Variants in MAP2 observed in about 807,000 individuals in gnomAD.
The protein encoded by MAP2 is microtubule associated protein 2.
MAP2 carries 14 observed loss-of-function variants against 137.6 expected under a neutral mutation model. The ratio of observed to expected loss-of-function variants is 0.10; its 90% CI spans 0.07 to 0.16. The LOEUF (loss-of-function observed/expected upper bound fraction) is 0.16, where lower values mean the gene tolerates loss of function less well. MAP2 is among the 10% of genes least tolerant of loss of function. MAP2 has a pLI of 1.00. For missense variants in MAP2, 2,088 were observed against 2,191.5 expected, an observed-to-expected ratio of 0.95 and a Z score of 0.94; for synonymous variants, 786 against 782.3, an observed-to-expected ratio of 1.00 and a Z score of -0.08.
At chr2:209,528,814 A>G (rs2064558715) in intron 2 of MAP2, among the ~76,000 whole-genome samples, 2 of 151,238 alleles carry the variant, frequency 1.3e-5, no homozygotes, top group Admixed American at 6.6e-5. Flanking sequence ...ATATGTATGT[A>G]TATATGTATA....
chr2:209,697,190 C>G, intron 10 of MAP2, 139 bp downstream of exon 10: 1 of 777,420 alleles, frequency 1.3e-6, no homozygotes. Flanking sequence ...TATTAAGTGT[C>G]TTGTATCATT....
chr2:209,518,017 A>G (rs536132209), intron 2 of MAP2, among the ~76,000 whole-genome samples: 2 of 152,150 alleles, frequency 1.3e-5, no homozygotes, highest in Admixed American at 1.3e-4. Context: ...TTTGTACATG[A>G]TAATATTTCT....
intron 1 of MAP2, among the ~76,000 whole-genome samples, chr2:209,434,312 A>AT (rs200308268): frequency 9.2e-4 from 140 of 151,614 alleles, no homozygotes; most frequent in Non-Finnish European, 1.7e-3. Flanking sequence ...AAACAAAATT[A>AT]TTATTTTTTT....
At chr2:209,638,200 A>T (rs1258811018) in intron 4 of MAP2, among the ~76,000 whole-genome samples, 1 of 152,144 alleles carries the variant, frequency 6.6e-6, no homozygotes, top group African/African-American at 2.4e-5. Context: ...GTAGCATGCC[A>T]TGGAAATCAA....
chr2:209,466,406 G>A (rs1704130765), intron 1 of MAP2, among the ~76,000 whole-genome samples: 1 of 152,072 alleles, frequency 6.6e-6, no homozygotes, highest in South Asian at 2.1e-4. Context: ...ACCTCTCTAA[G>A]GTTTGGTTTC....
chr2:209,523,984 G>T (rs113325344), intron 2 of MAP2, among the ~76,000 whole-genome samples: 4,010 of 152,066 alleles, frequency 0.026, 61 homozygotes, highest in Non-Finnish European at 0.033. Flanking sequence ...GCTCACTGAT[G>T]ACTGGTACCA....
At chr2:209,531,284 C>T (rs1286372471) in intron 2 of MAP2, among the ~76,000 whole-genome samples, 1 of 152,108 alleles carries the variant, frequency 6.6e-6, no homozygotes, top group East Asian at 1.9e-4. Context: ...ATGTTGTGGG[C>T]TTGTTTTGTC....
chr2:209,701,017 G>T (rs1351530635), intron 11 of MAP2, among the ~76,000 whole-genome samples: 2 of 151,672 alleles, frequency 1.3e-5, no homozygotes, highest in South Asian at 2.1e-4. Context: ...ATTTTTTGTT[G>T]GTATTTTAAC....
At position 209,695,852 on chromosome 2, in the gene MAP2, G is replaced by A; in HGVS notation, c.3682G>A (p.Glu1228Lys). The change falls in exon 8 of 16, where the codon GAA (glutamate) becomes AAA (lysine). Residue 1228 changes from glutamate to lysine, a missense_variant. Coordinates refer to ENST00000682079, the MANE Select transcript of MAP2 (RefSeq NM_001375505.1). ...AEPLHETIVS[E>K]PAEIQSEEEE... ...GCCATTGCATGAAACGATCGTATCT[G>A]AACCAGCAGAGATTCAGAGTGAGGA... 12 of 1,614,110 alleles carry A rather than the reference G, an allele frequency of 7.4e-6. No homozygotes were observed. Among genetic ancestry groups the A allele is most frequent in the Non-Finnish European group, 1.0e-5 (12 of 1,180,014 alleles).
chr2:209,591,161 G>A (rs1210349754), intron 3 of MAP2, among the ~76,000 whole-genome samples: 1 of 152,164 alleles, frequency 6.6e-6, no homozygotes, highest in African/African-American at 2.4e-5. Context: ...CTAATTGTCT[G>A]TGGGGCCTGA....
intron 1 of MAP2, among the ~76,000 whole-genome samples, chr2:209,488,189 A>G (rs558559047): frequency 6.6e-6 from 1 of 151,732 alleles, no homozygotes; most frequent in African/African-American, 2.4e-5. Flanking sequence ...GGGTCAGGGA[A>G]CTCCTTCCCC....
intron 2 of MAP2, among the ~76,000 whole-genome samples, chr2:209,538,380 T>A (rs2066316106): frequency 6.6e-6 from 1 of 152,148 alleles, no homozygotes; most frequent in Non-Finnish European, 1.5e-5. Flanking sequence ...TTGGTTCATA[T>A]TCCATATTTA....
At chr2:209,639,619 C>T (rs1191522889) in intron 4 of MAP2, among the ~76,000 whole-genome samples, 1 of 152,122 alleles carries the variant, frequency 6.6e-6, no homozygotes. Context: ...CTTTCATGGG[C>T]ATCCATGGCC....
chr2:209,478,073 C>T (rs1458656616), intron 1 of MAP2, among the ~76,000 whole-genome samples: 1 of 152,144 alleles, frequency 6.6e-6, no homozygotes, highest in East Asian at 1.9e-4. Flanking sequence ...GAAAGTGCTA[C>T]TTGGGCTAAA....
At chr2:209,603,863 G>A (rs1299833262) in intron 3 of MAP2, among the ~76,000 whole-genome samples, 1 of 152,082 alleles carries the variant, frequency 6.6e-6, no homozygotes, top group Non-Finnish European at 1.5e-5. Flanking sequence ...TATGTGCTCT[G>A]GTAGGGGGAA....
intron 4 of MAP2, among the ~76,000 whole-genome samples, chr2:209,631,496 G>A (rs1233985027): frequency 2.0e-5 from 3 of 152,026 alleles, no homozygotes; most frequent in Non-Finnish European, 4.4e-5. Context: ...CTGTTCCTGA[G>A]GAGGTGAATG....
At chr2:209,662,902 A>T (rs2044350685) in intron 5 of MAP2, among the ~76,000 whole-genome samples, 1 of 152,174 alleles carries the variant, frequency 6.6e-6, no homozygotes, top group Admixed American at 6.5e-5. Flanking sequence ...AATTGCTCAA[A>T]TATCTTGAGA....
intron 1 of MAP2, among the ~76,000 whole-genome samples, chr2:209,480,824 A>T (rs1363773340): frequency 1.3e-5 from 2 of 152,104 alleles, no homozygotes; most frequent in Non-Finnish European, 2.9e-5. Flanking sequence ...TTACCATTGT[A>T]ATCATTAGCT....
chr2:209,544,150 G>A lies in MAP2; in HGVS notation c.-171-35886G>A, dbSNP rs999278552. Among the ~76,000 whole-genome samples the A allele has an allele frequency of 2.0e-5, 3 of 151,774 alleles. No individual in the cohort carries two copies. In the South Asian group the frequency reaches 6.2e-4, roughly 31 times the overall value. On this transcript the variant is annotated intron_variant, in intron 2 of 15. Coordinates refer to ENST00000682079, the MANE Select transcript of MAP2 (RefSeq NM_001375505.1). ...TGGGAGGCTGAGGCAGGAGAATGGC[G>A]TGAACCTGGGAGGTGGAGCTTGTAG...
Sources: allele counts gnomAD v4.1 joint callset (sites outside exome capture counted in the v4.1 genomes callset), GRCh38; gene constraint gnomAD v4.1.1; transcripts MANE v1.5; gene names NCBI Gene and HGNC (gene_info 2026-07-23, HGNC 2026-07-21).